Variants in SV2C observed in about 807,000 individuals in gnomAD.
The protein encoded by SV2C is synaptic vesicle glycoprotein 2C, also known as solute carrier family 22 member B3.
Under a neutral mutation model 79.7 loss-of-function variants are expected in SV2C, and 49 were observed. The ratio of observed to expected loss-of-function variants is 0.61; its 90% CI spans 0.49 to 0.78. The LOEUF (loss-of-function observed/expected upper bound fraction) is 0.78. Among genes scored for constraint, SV2C ranks in the 30% least tolerant of loss-of-function variants. The pLI is 0.00. For synonymous variants in SV2C, 334 were observed against 333.2 expected (o/e 1.00, Z -0.03); for missense variants, 833 against 912.9 (o/e 0.91, Z 1.13).
intron 1 of SV2C, among the ~76,000 whole-genome samples, chr5:76,108,638 T>C (rs1307348960): frequency 6.6e-6 from 1 of 152,216 alleles, no homozygotes; most frequent in African/African-American, 2.4e-5. Context: ...GCCAAAAATT[T>C]TTTTTCATTG....
At chr5:75,991,495 T>A in the SV2C span, among the ~76,000 whole-genome samples, 1 of 150,474 alleles carries the variant, frequency 6.6e-6, no homozygotes, top group African/African-American at 2.4e-5. Context: ...TGGTCTTTAT[T>A]TGGAGAGTAC....
the SV2C span, among the ~76,000 whole-genome samples, chr5:76,014,894 C>T: frequency 7.9e-5 from 12 of 152,068 alleles, no homozygotes; most frequent in African/African-American, 2.7e-4. Context: ...ACAGAGAAAC[C>T]AAAGATATAC....
chr5:75,898,506 C>T, the SV2C span, among the ~76,000 whole-genome samples: 6 of 152,168 alleles, frequency 3.9e-5, no homozygotes, highest in African/African-American at 1.2e-4. Flanking sequence ...CAATGTTCAT[C>T]AAGGATATTG....
chr5:75,930,684 T>C, the SV2C span, among the ~76,000 whole-genome samples: 10 of 152,246 alleles, frequency 6.6e-5, no homozygotes, highest in African/African-American at 2.4e-4. Context: ...ACGTGAGCAC[T>C]GTCCTAATGG....
chr5:76,111,584 G>A (rs913416514), intron 1 of SV2C, among the ~76,000 whole-genome samples: 3 of 152,180 alleles, frequency 2.0e-5, no homozygotes, highest in South Asian at 2.1e-4. Flanking sequence ...GGAAGACAAA[G>A]GCAGGCGTCT....
intron 1 of SV2C, among the ~76,000 whole-genome samples, chr5:76,115,840 T>C (rs969561187): frequency 3.3e-5 from 5 of 152,238 alleles, no homozygotes; most frequent in Non-Finnish European, 7.3e-5. Context: ...CTGGGTGATA[T>C]GTCCCAGCCA....
chr5:75,873,673 G>C, the SV2C span, among the ~76,000 whole-genome samples: 1 of 151,960 alleles, frequency 6.6e-6, no homozygotes, highest in Admixed American at 6.6e-5. Context: ...GAAACATTAC[G>C]TCTGTGATAC....
the SV2C span, among the ~76,000 whole-genome samples, chr5:76,048,113 A>G: frequency 6.6e-6 from 1 of 152,248 alleles, no homozygotes; most frequent in Non-Finnish European, 1.5e-5. Flanking sequence ...ATAAATACAT[A>G]CAATTTTTTC....
At chr5:76,264,960 C>T (rs535907196) in intron 4 of SV2C, among the ~76,000 whole-genome samples, 29 of 152,296 alleles carry the variant, frequency 1.9e-4, no homozygotes, top group African/African-American at 6.3e-4. Context: ...AGAGCTTGAG[C>T]GCTGTGCTAG....
intron 12 of SV2C, among the ~76,000 whole-genome samples, chr5:76,302,811 A>G (rs938725245): frequency 4.6e-5 from 7 of 150,994 alleles, no homozygotes; most frequent in Admixed American, 2.6e-4. Flanking sequence ...TTCATGTACC[A>G]CTCCTGTGCT....
At chr5:76,006,085 T>C in the SV2C span, among the ~76,000 whole-genome samples, 5 of 152,192 alleles carry the variant, frequency 3.3e-5, no homozygotes, top group African/African-American at 1.2e-4. Flanking sequence ...TGCCTAAATA[T>C]CTATAACCTC....
At chr5:76,243,301 A>G (rs1040660828) in intron 4 of SV2C, among the ~76,000 whole-genome samples, 1 of 152,220 alleles carries the variant, frequency 6.6e-6, no homozygotes, top group Non-Finnish European at 1.5e-5. Flanking sequence ...AAAGGATTCC[A>G]CAAGAACGCT....
At chr5:76,305,830 G>A (rs1450976035) in intron 12 of SV2C, among the ~76,000 whole-genome samples, 1 of 152,210 alleles carries the variant, frequency 6.6e-6, no homozygotes, top group Non-Finnish European at 1.5e-5. Flanking sequence ...TGACATTCTA[G>A]CTTTTTCCCC....
chr5:76,179,870 T>C (rs1257810042), intron 2 of SV2C, among the ~76,000 whole-genome samples: 2 of 152,214 alleles, frequency 1.3e-5, no homozygotes, highest in African/African-American at 4.8e-5. Context: ...ATTTTCTCTT[T>C]AGACATTTAC....
the SV2C span, among the ~76,000 whole-genome samples, chr5:75,970,192 A>T: frequency 7.2e-5 from 11 of 152,240 alleles, no homozygotes; most frequent in African/African-American, 2.4e-4. Context: ...AGGGAAATGT[A>T]TAGCACTAAA....
the SV2C span, among the ~76,000 whole-genome samples, chr5:76,023,132 G>A: frequency 6.6e-6 from 1 of 152,148 alleles, no homozygotes; most frequent in Non-Finnish European, 1.5e-5. Flanking sequence ...TCTATTCTTG[G>A]AATAGCTACT....
chr5:76,052,543 T>C, the SV2C span, among the ~76,000 whole-genome samples: 1 of 152,238 alleles, frequency 6.6e-6, no homozygotes, highest in African/African-American at 2.4e-5. Flanking sequence ...ACTTGGGACC[T>C]GGACCTAGGA....
At chr5:76,305,015 G>T (rs992596614) in intron 12 of SV2C, among the ~76,000 whole-genome samples, 1 of 152,184 alleles carries the variant, frequency 6.6e-6, no homozygotes, top group African/African-American at 2.4e-5. Flanking sequence ...AATCATGGCA[G>T]AAGGTAAAGG....
At chr5:76,067,257 T>TC in the SV2C span, among the ~76,000 whole-genome samples, 3,270 of 152,102 alleles carry the variant, frequency 0.021, 124 homozygotes, top group African/African-American at 0.076. Context: ...TCTTTTTTTT[T>TC]CCTTTATAAT....
Sources: allele counts gnomAD v4.1 joint callset (sites outside exome capture counted in the v4.1 genomes callset), GRCh38; gene constraint gnomAD v4.1.1; transcripts MANE v1.5; gene names NCBI Gene and HGNC (gene_info 2026-07-23, HGNC 2026-07-21).